The following CDAN1 variants were observed in gnomAD, a reference collection of about 807,000 sequenced individuals.
The protein encoded by CDAN1 is codanin-1.
Under a neutral mutation model 139.8 loss-of-function variants are expected in CDAN1, and 107 were observed. That is an observed-to-expected ratio of 0.77 (90% CI 0.65 to 0.90). CDAN1 has a LOEUF of 0.90. Among genes scored for constraint, CDAN1 ranks in the 40% least tolerant of loss-of-function variants. CDAN1 has a pLI of 0.00. For missense variants in CDAN1, 1,667 were observed against 1,575.7 expected, an observed-to-expected ratio of 1.06 and a Z score of -0.98; for synonymous variants, 776 against 660.6, an observed-to-expected ratio of 1.17 and a Z score of -2.68.
intron 21 of CDAN1, 36 bp from the exon 22 acceptor site, chr15:42,728,069 A>G (rs762379774): frequency 1.2e-6 from 2 of 1,606,454 alleles, no homozygotes; most frequent in Non-Finnish European, 1.7e-6. Context: ...GGGCTAGGGG[A>G]GGGCTGGGTG....
intron 18 of CDAN1, 22 bp downstream of exon 18, chr15:42,729,207 G>T (rs767945408): frequency 1.4e-6 from 2 of 1,457,148 alleles, no homozygotes; most frequent in African/African-American, 2.8e-5. Context: ...TTTCCCCACG[G>T]CTGTCTCCGC....
Position 42,731,071 on chromosome 15 carries a change from C to T in CDAN1, c.1861G>A (p.Gly621Ser). The T allele has an allele frequency of 6.2e-7, 1 of 1,614,190 alleles. No homozygotes were observed. The highest frequency in any genetic ancestry group is 8.5e-7 in the Non-Finnish European group (1 of 1,180,044). Residue 621 changes from glycine to serine, a missense_variant and splice_region_variant, in exon 13 of 28, where the codon GGT (glycine) becomes AGT (serine). Gly to Ser is a moderately conservative substitution (Grantham distance 56, BLOSUM62 0). Transcript: ENST00000356231. ...EDGESDVDWQ[G>S]ERKQFAVVLL... ...ACCACAGCAAATTGCTTCCGCTCACCCTGCATGGAATCAAGGGAAGTAAAA... is the reference window on the plus strand; with the variant it reads ...ACCACAGCAAATTGCTTCCGCTCACTCTGCATGGAATCAAGGGAAGTAAAA...
chr15:42,726,451 T>C (rs1333342119), intron 23 of CDAN1, 34 bp from the exon 24 acceptor site: 9 of 1,503,598 alleles, frequency 6.0e-6, no homozygotes, highest in Non-Finnish European at 8.2e-6. Flanking sequence ...CACCTTGCGC[T>C]GGGGGCCAGG....
rs1566980940 is a variant in CDAN1 at position 42,728,049 on chromosome 15, A to ACAGAGT, written c.2869-22_2869-17dup. The ACAGAGT allele has an allele frequency of 6.2e-7, 1 of 1,613,244 alleles. No homozygotes were observed. The highest frequency in any genetic ancestry group is 1.1e-5 in the South Asian group (1 of 91,060). On this transcript the variant is annotated splice_polypyrimidine_tract_variant and intron_variant, in intron 21 of 27. Transcript: ENST00000356231. ...TGCTCAGAACCTGCGAAACAGAACT[A>ACAGAGT]CAGAGTCAGGGGCTAGGGGAGGGCT...
chr15:42,736,568 GA>G lies in CDAN1; in HGVS notation c.302del (p.Phe101SerfsTer81), dbSNP rs1171234171. On this transcript the variant is annotated frameshift_variant, in exon 2 of 28. Transcript: ENST00000356231. LOFTEE classifies it high-confidence loss of function. ...CGGTGCTCTGGGCCTCGGTCGGAGG[GA>G]AAAGCTGGCTGCGCGCCCCGCGGCT... is the stretch of plus-strand genomic sequence containing the variant. ...RGSRGARSQLFPPTEAQSTAA... is the reference protein window; with the variant it reads ...RGSRGARSQLXPPTEAQSTAA... The G allele has an allele frequency of 2.0e-6, 3 of 1,488,286 alleles. No homozygotes were observed. Among genetic ancestry groups the G allele is most frequent in the Admixed American group, 2.2e-5 (1 of 44,766 alleles). The allele number at this position is 1,488,286 out of a possible 1,614,324, so 92.2% of individuals were successfully genotyped here.
chr15:42,725,701 G>T, intron 25 of CDAN1, 31 bp from the exon 26 acceptor site: 1 of 1,612,038 alleles, frequency 6.2e-7, no homozygotes, highest in South Asian at 1.1e-5. Context: ...AGCTTTAAAA[G>T]ATGGGGGCAG....
rs371064172 is a variant in CDAN1, at chr15:42,724,530, C to G, written c.3645G>C (p.Leu1215Phe). Reference protein sequence around the residue: ...LPEPQLRACELVQPNRGTVLA... With the variant: ...LPEPQLRACEFVQPNRGTVLA... ...GCACAGTGCCCCGGTTTGGCTGCAC[C>G]AACTCACAGGCTCTTAGCTGGGGTT... The change falls in exon 28 of 28, where the codon TTG (leucine) becomes TTC (phenylalanine). Residue 1215 changes from leucine (L) to phenylalanine (F), a missense_variant. Transcript: ENST00000356231. The G allele has an allele frequency of 1.3e-6, 2 of 1,569,770 alleles. No individual in the cohort carries two copies. The highest frequency in any genetic ancestry group is 2.7e-5 in the African/African-American group (2 of 73,932).
chr15:42,723,965 C>T lies in CDAN1; in HGVS notation c.*526G>A, dbSNP rs1234081683. 1 of 174,900 alleles carries T rather than the reference C, an allele frequency of 5.7e-6. No individual in the cohort carries two copies. Among genetic ancestry groups the T allele is most frequent in the Admixed American group, 5.5e-5 (1 of 18,152 alleles). The allele number at this position is 174,900 out of a possible 1,614,324, so 10.8% of individuals were successfully genotyped here. A position where few individuals can be genotyped will look rare whatever the true frequency, so the allele number is the denominator to read the frequency against. ...CTCAGGCAGTCCGCCGACCTCAGGC[C>T]TCTCAAAGTGCTGGGATTACAGGCA... On this transcript the variant is annotated 3_prime_UTR_variant, in exon 28 of 28. Transcript: ENST00000356231.
intron 6 of CDAN1, 77 bp from the exon 7 acceptor site, chr15:42,734,423 AG>A: frequency 6.4e-7 from 1 of 1,573,344 alleles, no homozygotes; most frequent in South Asian, 1.1e-5. Flanking sequence ...CACACCACAG[AG>A]GATCTCTAAG....
At position 42,726,396 on chromosome 15, in the gene CDAN1, C is replaced by A; in HGVS notation, c.3118G>T (p.Gly1040Trp). The A allele has an allele frequency of 6.3e-7, 1 of 1,597,058 alleles. No homozygotes were observed. Among genetic ancestry groups the A allele is most frequent in the Non-Finnish European group, 8.5e-7 (1 of 1,172,030 alleles). The change falls in exon 24 of 28, where the codon GGG becomes TGG. Residue 1040 changes from glycine (G) to tryptophan (W), a missense_variant. Transcript: ENST00000356231. ...ACTCCCTCGTCAGGGTCCCGTGGCC[C>A]CACGGCCAAGGAGAGCACGTCCTGT... ...EIKDVLSLAV[G>W]PRDPDEGVSP...
Position 42,730,166 on chromosome 15 carries a change from T to G in CDAN1, c.2224A>C (p.Lys742Gln), listed in dbSNP as rs1374397468. ...ESEGKMCFLN[K>Q]LLLLAVLGWL... Reference sequence around the variant, plus strand: ...CCCAGGACAGCAAGTAGCAGCAGCTTGTTCAGGAAACACATCTTCCCCTCA... The same window carrying G: ...CCCAGGACAGCAAGTAGCAGCAGCTGGTTCAGGAAACACATCTTCCCCTCA... The change falls in exon 15 of 28, where the codon AAG becomes CAG. Residue 742 changes from lysine to glutamine, a missense_variant. Coordinates refer to ENST00000356231, the MANE Select transcript of CDAN1 (RefSeq NM_138477.4). The G allele has an allele frequency of 1.2e-6, 2 of 1,614,112 alleles. No individual in the cohort carries two copies. Among genetic ancestry groups the G allele is most frequent in the African/African-American group, 1.3e-5 (1 of 74,932 alleles).
At chr15:42,733,352 G>A (rs2140497500) in intron 8 of CDAN1, among the ~76,000 whole-genome samples, 166 bp from the exon 9 acceptor site, 1 of 151,674 alleles carries the variant, frequency 6.6e-6, no homozygotes, top group Middle Eastern at 3.4e-3. Context: ...TCAGCTCACT[G>A]CAACCTCCGC....
chr15:42,736,867 G>T, intron 1 of CDAN1, 87 bp from the exon 2 acceptor site: 2 of 1,449,054 alleles, frequency 1.4e-6, no homozygotes, highest in South Asian at 2.7e-5. Flanking sequence ...GCGCGCCTCG[G>T]GTGGGCGGCC....
At chr15:42,727,499 T>G in intron 23 of CDAN1, 122 bp downstream of exon 23, 1 of 902,096 alleles carries the variant, frequency 1.1e-6, no homozygotes, top group Non-Finnish European at 1.6e-6. Flanking sequence ...AAACGGGGAC[T>G]AGCTGGACAG....
At chr15:42,734,716 G>C in intron 6 of CDAN1, among the ~76,000 whole-genome samples, 1 of 151,562 alleles carries the variant, frequency 6.6e-6, no homozygotes, top group East Asian at 1.9e-4. Flanking sequence ...CCAGGCTCAG[G>C]AGATCCTTCC....
chr15:42,726,075 A>T lies in CDAN1; in HGVS notation c.3268+22T>A, dbSNP rs751007896. On this transcript the variant is annotated intron_variant, in intron 25 of 27. Coordinates refer to ENST00000356231, the MANE Select transcript of CDAN1 (RefSeq NM_138477.4). ...ATTTGGGGGATCAGGCAAGAGAGGG[A>T]TTTGATGGAAAGCAACCATACCGAG... 1.4e-5 allele frequency: 23 copies of T among 1,607,876 alleles called. No individual in the cohort carries two copies. In the African/African-American group the frequency reaches 2.4e-4, roughly 17 times the overall value.
chr15:42,729,130 G>C lies in CDAN1; in HGVS notation c.2542-4C>G, dbSNP rs147426809. 2,712 of 1,614,080 alleles carry C rather than the reference G, an allele frequency of 1.7e-3. 18 individuals are homozygous for C. Among genetic ancestry groups the C allele is most frequent in the Non-Finnish European group, 1.1e-3 (1,241 of 1,179,952 alleles). Reference sequence around the variant, plus strand: ...AAAAGGCCTGGGCGAGCTGTGCCTGGGGGGAGGAGGGAGAGGCAGCAAGGC... The same window carrying C: ...AAAAGGCCTGGGCGAGCTGTGCCTGCGGGGAGGAGGGAGAGGCAGCAAGGC... On this transcript the variant is annotated splice_polypyrimidine_tract_variant and splice_region_variant and intron_variant, in intron 18 of 27. Coordinates refer to ENST00000356231, the MANE Select transcript of CDAN1 (RefSeq NM_138477.4).
chr15:42,733,317 C>G, intron 8 of CDAN1, 131 bp from the exon 9 acceptor site: 1 of 763,864 alleles, frequency 1.3e-6, no homozygotes. Flanking sequence ...TCTTGTCACT[C>G]AGGCTGGATT....
chr15:42,727,651 G>GGGAGC lies in CDAN1; in HGVS notation c.3061_3065dup (p.His1026ProfsTer8). The stretch of plus-strand genomic sequence containing the variant: ...TCTCGGAGATGAGGTGGGAGGGGAG[G>GGGAGC]GGAGCATGGTGCTCACAGGCGCGGG... On this transcript the variant is annotated frameshift_variant, in exon 23 of 28. Coordinates refer to ENST00000356231, the MANE Select transcript of CDAN1 (RefSeq NM_138477.4). LOFTEE classifies it high-confidence loss of function. 1 of 1,584,810 alleles carries GGGAGC rather than the reference G, an allele frequency of 6.3e-7. No individual in the cohort carries two copies. The highest frequency in any genetic ancestry group is 1.1e-5 in the South Asian group (1 of 88,306).
Sources: gnomAD v4.1 joint callset for allele counts (sites outside exome capture counted in the v4.1 genomes callset) on GRCh38, gnomAD v4.1.1 for gene constraint, MANE v1.5 for transcripts, NCBI Gene and HGNC (gene_info 2026-07-23, HGNC 2026-07-21) for gene names.